OR10J1: variants seen among roughly 807,000 people sequenced by gnomAD.
OR10J1 encodes olfactory receptor family 10 subfamily J member 1, also known as olfactory receptor 10J1.
For missense variants in OR10J1, 474 were observed against 376.6 expected, an observed-to-expected ratio of 1.26 and a Z score of -2.14; for synonymous variants, 202 against 143.8, an observed-to-expected ratio of 1.40 and a Z score of -2.89.
chr1:159,408,400 G>A, the OR10J1 span, among the ~76,000 whole-genome samples: 1 of 149,010 alleles, frequency 6.7e-6, no homozygotes, highest in Non-Finnish European at 1.5e-5. Flanking sequence ...TCACTCATAG[G>A]TGGGAATTGA....
chr1:159,440,699 C>T lies in OR10J1; in HGVS notation c.908C>T (p.Ala303Val), dbSNP rs377628587. Reference protein sequence around the residue: ...NKEVKDALCRAVGGKFS With the variant: ...NKEVKDALCRVVGGKFS ...GAGGTCAAAGATGCTCTGTGCAGGGCTGTTGGTGGGAAGTTTTCCTGACCA... is the reference window on the plus strand; with the variant it reads ...GAGGTCAAAGATGCTCTGTGCAGGGTTGTTGGTGGGAAGTTTTCCTGACCA... Residue 303 changes from alanine (A) to valine (V), a missense_variant, in exon 1 of 1, where the codon GCT becomes GTT. Physicochemically the swap from Ala to Val is moderately conservative, Grantham distance 64. Coordinates refer to ENST00000423932, the MANE Select transcript of OR10J1 (RefSeq NM_012351.3). 18 of 1,608,022 alleles carry T rather than the reference C, an allele frequency of 1.1e-5. No homozygotes were observed. The African/African-American group carries it at 2.3e-4, about 20-fold the overall frequency.
At chr1:159,411,916 A>C in the OR10J1 span, among the ~76,000 whole-genome samples, 1 of 152,118 alleles carries the variant, frequency 6.6e-6, no homozygotes, top group Non-Finnish European at 1.5e-5. Context: ...TGCAGATGAC[A>C]TGATTGTATA....
At position 159,439,750 on chromosome 1, in the gene OR10J1, G is replaced by C. The variant is rs1655850467; in HGVS notation, c.-42G>C. 1 of 1,611,822 alleles carries C rather than the reference G, an allele frequency of 6.2e-7. No homozygotes were observed. The highest frequency in any genetic ancestry group is 8.5e-7 in the Non-Finnish European group (1 of 1,178,422). Reference sequence around the variant, plus strand: ...GCTTCTACTGCTTTACTGGGACTATGTGACTTTTATGCTTTTATGTTTCAG... The same window carrying C: ...GCTTCTACTGCTTTACTGGGACTATCTGACTTTTATGCTTTTATGTTTCAG... On this transcript the variant is annotated 5_prime_UTR_variant, in exon 1 of 1. It removes an upstream start codon present in the reference 5' UTR. Transcript: ENST00000423932.
the OR10J1 span, among the ~76,000 whole-genome samples, chr1:159,410,583 C>T: frequency 6.6e-6 from 1 of 151,656 alleles, no homozygotes; most frequent in Non-Finnish European, 1.5e-5. Flanking sequence ...TTTGATTCTC[C>T]TCTCTTTTTT....
the OR10J1 span, among the ~76,000 whole-genome samples, chr1:159,431,030 T>C: frequency 6.6e-6 from 1 of 152,150 alleles, no homozygotes; most frequent in Non-Finnish European, 1.5e-5. Context: ...GTTTTAAATC[T>C]ATAAAAAACC....
At chr1:159,414,302 G>A in the OR10J1 span, among the ~76,000 whole-genome samples, 1 of 151,982 alleles carries the variant, frequency 6.6e-6, no homozygotes, top group African/African-American at 2.4e-5. Flanking sequence ...CTACCTCGAT[G>A]AAATCAACTT....
the OR10J1 span, among the ~76,000 whole-genome samples, chr1:159,407,941 T>C: frequency 1.3e-5 from 2 of 151,988 alleles, no homozygotes; most frequent in African/African-American, 4.8e-5. Flanking sequence ...AGTAACAATG[T>C]AGAGAGTAAG....
chr1:159,402,539 G>T, the OR10J1 span, among the ~76,000 whole-genome samples: 2 of 151,800 alleles, frequency 1.3e-5, no homozygotes, highest in African/African-American at 4.8e-5. Context: ...AATTATCTAG[G>T]AATGAACTTA....
the OR10J1 span, chr1:159,432,251 T>C: frequency 1.2e-5 from 5 of 400,792 alleles, no homozygotes; most frequent in Admixed American, 1.3e-4. Context: ...CATTTGAGGG[T>C]TTCTCCATTT....
the OR10J1 span, among the ~76,000 whole-genome samples, chr1:159,406,758 C>T: frequency 6.6e-6 from 1 of 152,118 alleles, no homozygotes; most frequent in Admixed American, 6.6e-5. Context: ...TTTGATGACA[C>T]AATGAGGAGG....
upstream of OR10J1, among the ~76,000 whole-genome samples, chr1:159,436,483 T>G (rs1340534708): frequency 6.6e-6 from 1 of 152,130 alleles, no homozygotes; most frequent in Non-Finnish European, 1.5e-5. Flanking sequence ...TCAGTCCCAA[T>G]TATCTCTGTT....
At chr1:159,409,814 G>A in the OR10J1 span, among the ~76,000 whole-genome samples, 2 of 152,084 alleles carry the variant, frequency 1.3e-5, no homozygotes, top group Admixed American at 6.6e-5. Flanking sequence ...TGCCCATTCA[G>A]TATGATATTG....
chr1:159,408,759 A>C, the OR10J1 span, among the ~76,000 whole-genome samples: 2 of 152,142 alleles, frequency 1.3e-5, no homozygotes, highest in African/African-American at 4.8e-5. Context: ...CAAATGAGTC[A>C]ATACATAAAT....
chr1:159,403,327 A>C, the OR10J1 span, among the ~76,000 whole-genome samples: 64 of 152,300 alleles, frequency 4.2e-4, no homozygotes, highest in African/African-American at 1.5e-3. Context: ...TGAAGAGACA[A>C]CCCACAGAAT....
Position 159,439,736 on chromosome 1 carries a change from T to A in OR10J1, c.-56T>A. ...AATTTCAGAAATGTGCTTCTACTGC[T>A]TTACTGGGACTATGTGACTTTTATG... On this transcript the variant is annotated 5_prime_UTR_variant, in exon 1 of 1. Coordinates refer to ENST00000423932, the MANE Select transcript of OR10J1 (RefSeq NM_012351.3). The A allele has an allele frequency of 6.2e-7, 1 of 1,606,554 alleles. No homozygotes were observed. The highest frequency in any genetic ancestry group is 8.5e-7 in the Non-Finnish European group (1 of 1,174,874).
the OR10J1 span, among the ~76,000 whole-genome samples, chr1:159,428,877 T>C: frequency 6.6e-6 from 1 of 152,208 alleles, no homozygotes; most frequent in Non-Finnish European, 1.5e-5. Flanking sequence ...TGCTTTCAAA[T>C]ATTTATTTCT....
At chr1:159,438,281 A>G (rs533316200), upstream of OR10J1, among the ~76,000 whole-genome samples, 1 of 152,306 alleles carries the variant, frequency 6.6e-6, no homozygotes, top group Admixed American at 6.5e-5. Flanking sequence ...ATAAGATGAT[A>G]TTTTAGCCGT....
At chr1:159,420,305 A>G in the OR10J1 span, among the ~76,000 whole-genome samples, 1 of 152,162 alleles carries the variant, frequency 6.6e-6, no homozygotes, top group Non-Finnish European at 1.5e-5. Context: ...TGGGAAGTTC[A>G]ATGTATTTAC....
At position 159,440,183 on chromosome 1, in the gene OR10J1, G is replaced by A. The variant is rs770931668; in HGVS notation, c.392G>A (p.Arg131Lys). ...TATGTGGCCATCTGCAACCCCCTGAGATACATGGTTATTATGAACAAGAGG... is the reference window on the plus strand; with the variant it reads ...TATGTGGCCATCTGCAACCCCCTGAAATACATGGTTATTATGAACAAGAGG... Reference protein sequence around the residue: ...DRYVAICNPLRYMVIMNKRLR... With the variant: ...DRYVAICNPLKYMVIMNKRLR... The change falls in exon 1 of 1, where the codon AGA becomes AAA. Residue 131 changes from arginine to lysine, a missense_variant. Transcript: ENST00000423932. The A allele has an allele frequency of 2.3e-5, 37 of 1,614,106 alleles. 1 individual carries two copies. The East Asian group carries it at 7.8e-4, about 34-fold the overall frequency.
Sources: gnomAD v4.1 joint callset for allele counts (sites outside exome capture counted in the v4.1 genomes callset) on GRCh38, gnomAD v4.1.1 for gene constraint, MANE v1.5 for transcripts, NCBI Gene and HGNC (gene_info 2026-07-23, HGNC 2026-07-21) for gene names.